Variants in ROBO1 observed in about 807,000 individuals in gnomAD.
The protein encoded by ROBO1 is roundabout guidance receptor 1, also known as roundabout homolog 1.
In ROBO1, 149 loss-of-function variants were observed where a neutral mutation model predicts 195.9. That is an observed-to-expected ratio of 0.76 (90% confidence interval 0.67 to 0.87). ROBO1 has a LOEUF of 0.87. ROBO1 is among the 40% of genes least tolerant of loss of function. The pLI, the probability that ROBO1 is intolerant of heterozygous loss-of-function variation, is 0.00. For missense variants in ROBO1, 1,933 were observed against 2,068.3 expected (o/e 0.93, Z 1.27); for synonymous variants, 816 against 733.2 (o/e 1.11, Z -1.82).
intron 4 of ROBO1, among the ~76,000 whole-genome samples, chr3:78,830,462 A>C (rs951600195): frequency 1.3e-5 from 2 of 152,188 alleles, no homozygotes; most frequent in Non-Finnish European, 2.9e-5. Context: ...TAATTGACTC[A>C]GAGTTCAGCA....
intron 3 of ROBO1, among the ~76,000 whole-genome samples, chr3:79,099,799 G>C (rs1461862921): frequency 6.6e-6 from 1 of 151,664 alleles, no homozygotes; most frequent in Admixed American, 6.6e-5. Context: ...GGCCATTCAT[G>C]GTTCTGTAAC....
At chr3:79,271,355 C>G (rs1259396708) in intron 2 of ROBO1, among the ~76,000 whole-genome samples, 2 of 151,900 alleles carry the variant, frequency 1.3e-5, no homozygotes, top group African/African-American at 2.4e-5. Flanking sequence ...TGGGAATAGC[C>G]TTCTTATCTT....
chr3:79,710,635 G>C (rs1359051464), intron 1 of ROBO1, among the ~76,000 whole-genome samples: 1 of 152,062 alleles, frequency 6.6e-6, no homozygotes, highest in Non-Finnish European at 1.5e-5. Flanking sequence ...CAAGGCAATT[G>C]GTAAGTATGT....
intron 2 of ROBO1, among the ~76,000 whole-genome samples, chr3:79,425,314 T>C (rs2038402430): frequency 6.6e-6 from 1 of 152,132 alleles, no homozygotes; most frequent in Non-Finnish European, 1.5e-5. Context: ...TTTCAATTGG[T>C]CTATTTAAGA....
intron 2 of ROBO1, among the ~76,000 whole-genome samples, chr3:79,584,618 T>TGTGTGTGTAC (rs1414964085): frequency 0.011 from 1,518 of 133,376 alleles, 27 homozygotes; most frequent in African/African-American, 0.047. Context: ...TGAGTGTGTG[T>TGTGTGTGTAC]GTGTGTGTGT....
chr3:78,807,170 A>G (rs1013100188), intron 4 of ROBO1, among the ~76,000 whole-genome samples: 1 of 152,314 alleles, frequency 6.6e-6, no homozygotes. Flanking sequence ...AGAGCAATCT[A>G]TAAAGGAGGA....
intron 8 of ROBO1, among the ~76,000 whole-genome samples, chr3:78,712,473 T>C (rs758930115): frequency 2.6e-5 from 4 of 152,178 alleles, no homozygotes; most frequent in Admixed American, 6.5e-5. Flanking sequence ...CTTTGAATGT[T>C]TTTTTCTTAT....
intron 2 of ROBO1, among the ~76,000 whole-genome samples, chr3:79,242,448 G>A (rs1576863733): frequency 6.6e-6 from 1 of 152,166 alleles, no homozygotes; most frequent in East Asian, 1.9e-4. Flanking sequence ...AGGGGCACAA[G>A]GATAAATAAA....
At chr3:78,963,531 T>G (rs1364032140) in intron 3 of ROBO1, among the ~76,000 whole-genome samples, 3 of 140,746 alleles carry the variant, frequency 2.1e-5, no homozygotes, top group Non-Finnish European at 4.6e-5. Flanking sequence ...CTTTTTTTTT[T>G]TTTTTGAGAC....
At chr3:79,760,006 G>T (rs1476934336) in intron 1 of ROBO1, among the ~76,000 whole-genome samples, 4 of 152,012 alleles carry the variant, frequency 2.6e-5, no homozygotes, top group Admixed American at 2.0e-4. Flanking sequence ...GGAGGTTGAG[G>T]TGGGTGGATC....
intron 3 of ROBO1, among the ~76,000 whole-genome samples, chr3:79,052,745 A>T (rs1326513453): frequency 6.6e-6 from 1 of 152,098 alleles, no homozygotes; most frequent in Admixed American, 6.5e-5. Context: ...TTCCCCTGAC[A>T]TCTGGCACCC....
intron 2 of ROBO1, among the ~76,000 whole-genome samples, chr3:79,339,405 C>T (rs1261980893): frequency 6.6e-6 from 1 of 152,126 alleles, no homozygotes; most frequent in African/African-American, 2.4e-5. Flanking sequence ...TCTTCTCAGC[C>T]ACTGTGGTAC....
chr3:79,648,588 A>G (rs1174660524), intron 1 of ROBO1, among the ~76,000 whole-genome samples: 1 of 152,104 alleles, frequency 6.6e-6, no homozygotes, highest in Non-Finnish European at 1.5e-5. Context: ...TAGGAGATTT[A>G]GAAATGAGAG....
chr3:79,127,206 A>T (rs554860616), intron 2 of ROBO1, among the ~76,000 whole-genome samples: 1 of 152,278 alleles, frequency 6.6e-6, no homozygotes, highest in Non-Finnish European at 1.5e-5. Flanking sequence ...GTTTAGGTCA[A>T]ACTTTTAAGC....
chr3:79,652,036 T>C (rs1364994451), intron 1 of ROBO1, among the ~76,000 whole-genome samples: 1 of 152,174 alleles, frequency 6.6e-6, no homozygotes, highest in African/African-American at 2.4e-5. Flanking sequence ...TGTAAAGTTA[T>C]ACATGTCAGT....
intron 3 of ROBO1, among the ~76,000 whole-genome samples, chr3:78,954,186 C>T (rs1455599774): frequency 6.6e-6 from 1 of 151,904 alleles, no homozygotes; most frequent in African/African-American, 2.4e-5. Flanking sequence ...GCAGAGCCAA[C>T]TTACTGTTTT....
chr3:78,820,142 C>T (rs1002136836), intron 4 of ROBO1, among the ~76,000 whole-genome samples: 6 of 152,152 alleles, frequency 3.9e-5, no homozygotes, highest in Non-Finnish European at 2.9e-5. Context: ...GGTCTATAAA[C>T]GTGTTATCTG....
intron 28 of ROBO1, among the ~76,000 whole-genome samples, chr3:78,613,241 T>C (rs1703922824): frequency 6.6e-6 from 1 of 152,232 alleles, no homozygotes; most frequent in Non-Finnish European, 1.5e-5. Context: ...TTTTCTCCCT[T>C]ATGTATTCAA....
intron 2 of ROBO1, among the ~76,000 whole-genome samples, chr3:79,549,257 T>C (rs1254440427): frequency 2.0e-5 from 3 of 152,230 alleles, no homozygotes; most frequent in African/African-American, 4.8e-5. Context: ...AGAAAAATCA[T>C]ATGGCCTTCA....
Sources: gnomAD v4.1 joint callset for allele counts (sites outside exome capture counted in the v4.1 genomes callset) on GRCh38, gnomAD v4.1.1 for gene constraint, MANE v1.5 for transcripts, NCBI Gene and HGNC (gene_info 2026-07-23, HGNC 2026-07-21) for gene names.